Variants in C12orf42 observed in about 807,000 individuals in gnomAD.
C12orf42 encodes chromosome 12 open reading frame 42, also known as uncharacterized protein C12orf42.
A neutral mutation model predicts 21.6 loss-of-function variants in C12orf42; 25 were observed. That is an observed-to-expected ratio of 1.16 (90% CI 0.84 to 1.62). The LOEUF is 1.62. Among genes scored for constraint, C12orf42 ranks in the 40% most tolerant of loss-of-function variants. The pLI is 0.00. For missense variants in C12orf42, 483 were observed against 459.3 expected (o/e 1.05, Z -0.47); for synonymous variants, 174 against 175.0 (o/e 0.99, Z 0.05).
chr12:103,221,408 A>G, the C12orf42 span, among the ~76,000 whole-genome samples: 1 of 152,242 alleles, frequency 6.6e-6, no homozygotes, highest in Non-Finnish European at 1.5e-5. Flanking sequence ...GGTGCTGAGT[A>G]CTGTGCCAGA....
At chr12:103,356,993 G>T (rs1226062857) in intron 4 of C12orf42, among the ~76,000 whole-genome samples, 1 of 151,882 alleles carries the variant, frequency 6.6e-6, no homozygotes, top group East Asian at 1.9e-4. Context: ...CATGTCCTTT[G>T]TAGGGACATG....
intron 2 of C12orf42, among the ~76,000 whole-genome samples, chr12:103,442,591 G>A (rs1325692725): frequency 6.6e-6 from 1 of 152,068 alleles, no homozygotes; most frequent in Non-Finnish European, 1.5e-5. Flanking sequence ...TCCTGGCATA[G>A]CCTCTTTTAT....
the C12orf42 span, among the ~76,000 whole-genome samples, chr12:103,513,249 C>T: frequency 6.6e-5 from 10 of 152,228 alleles, no homozygotes; most frequent in African/African-American, 2.4e-4. Context: ...GGAAAAAGAA[C>T]TCTCTTTCTG....
chr12:103,454,020 T>C (rs1363646013), intron 2 of C12orf42, among the ~76,000 whole-genome samples: 1 of 152,106 alleles, frequency 6.6e-6, no homozygotes, highest in Non-Finnish European at 1.5e-5. Flanking sequence ...CCATCAACCA[T>C]GCACTCACCT....
At chr12:103,440,389 G>A (rs11111583) in intron 2 of C12orf42, among the ~76,000 whole-genome samples, 3 of 130,860 alleles carry the variant, frequency 2.3e-5, no homozygotes, top group Non-Finnish European at 3.2e-5. Flanking sequence ...GCACATGTAC[G>A]CTAAAACTTA....
At chr12:103,327,647 ATT>A (rs1466067111) in intron 4 of C12orf42, among the ~76,000 whole-genome samples, 13 of 152,208 alleles carry the variant, frequency 8.5e-5, no homozygotes, top group Admixed American at 7.9e-4. Flanking sequence ...AAACATTTTG[ATT>A]CTCTGGAGAA....
chr12:103,087,978 T>C, the C12orf42 span, among the ~76,000 whole-genome samples: 6 of 152,386 alleles, frequency 3.9e-5, no homozygotes, highest in East Asian at 1.2e-3. Flanking sequence ...AGTTATATCC[T>C]TGACCAGTTG....
At chr12:103,273,500 T>C (rs927729809) in intron 5 of C12orf42, among the ~76,000 whole-genome samples, 3 of 152,146 alleles carry the variant, frequency 2.0e-5, no homozygotes, top group Non-Finnish European at 4.4e-5. Flanking sequence ...ACACATTCCA[T>C]TTATGTAGTT....
rs150668132 is a variant in C12orf42 at position 103,389,817 on chromosome 12, C to A, written c.147+11790G>T. On this transcript the variant is annotated intron_variant, in intron 3 of 5. Transcript: ENST00000548883. ...CAGTCTGATGCAGCTGGGCAGCATG[C>A]GTTGTGTCAGCGACTCTCCCAGTTT... Among the ~76,000 whole-genome samples the A allele has an allele frequency of 8.2e-3, 1,249 of 152,228 alleles. 13 individuals carry two copies. Among genetic ancestry groups the A allele is most frequent in the Non-Finnish European group, 8.2e-3 (559 of 68,008 alleles).
chr12:103,429,977 G>A (rs1950143389), intron 2 of C12orf42, among the ~76,000 whole-genome samples: 1 of 152,134 alleles, frequency 6.6e-6, no homozygotes, highest in Non-Finnish European at 1.5e-5. Flanking sequence ...ACTCAGGATG[G>A]ATTAAACACT....
the C12orf42 span, among the ~76,000 whole-genome samples, chr12:103,516,479 T>C: frequency 2.6e-5 from 4 of 152,138 alleles, no homozygotes; most frequent in Non-Finnish European, 5.9e-5. Context: ...AGAAAAGAGG[T>C]TTAATTGACT....
intron 4 of C12orf42, among the ~76,000 whole-genome samples, chr12:103,336,561 TCTC>T: frequency 6.6e-6 from 1 of 152,294 alleles, no homozygotes; most frequent in East Asian, 1.9e-4. Flanking sequence ...ACATAGTAGA[TCTC>T]CTATAGAATG....
the C12orf42 span, among the ~76,000 whole-genome samples, chr12:103,143,652 A>C: frequency 0.28 from 43,180 of 152,162 alleles, 7,669 homozygotes; most frequent in African/African-American, 0.51. Flanking sequence ...TTAAGAGTAC[A>C]TCCAAAGGCT....
intron 2 of C12orf42, among the ~76,000 whole-genome samples, chr12:103,435,097 AC>A (rs1950584773): frequency 6.6e-6 from 1 of 151,548 alleles, no homozygotes; most frequent in African/African-American, 2.4e-5. Context: ...CTGACCCCTG[AC>A]CCCCGAGCAG....
chr12:103,432,351 A>G (rs867009771), intron 2 of C12orf42, among the ~76,000 whole-genome samples: 1 of 152,158 alleles, frequency 6.6e-6, no homozygotes, highest in South Asian at 2.1e-4. Context: ...ATTATTTTAG[A>G]GAGGCAGTTC....
the C12orf42 span, among the ~76,000 whole-genome samples, chr12:103,534,593 T>C: frequency 8.5e-5 from 13 of 152,126 alleles, no homozygotes; most frequent in African/African-American, 2.9e-4. Context: ...GATACAGCAA[T>C]GAAAGGAGAC....
At chr12:103,418,661 A>G (rs2049586326) in intron 2 of C12orf42, among the ~76,000 whole-genome samples, 1 of 152,122 alleles carries the variant, frequency 6.6e-6, no homozygotes, top group Non-Finnish European at 1.5e-5. Flanking sequence ...CTTGTTGAAA[A>G]TAACAAGCCC....
At chr12:103,208,249 C>T in the C12orf42 span, among the ~76,000 whole-genome samples, 4 of 152,148 alleles carry the variant, frequency 2.6e-5, no homozygotes, top group East Asian at 1.9e-4. Context: ...ATTGAAGATG[C>T]TGGGACTTAG....
At chr12:103,449,088 TA>T (rs1159032886) in intron 2 of C12orf42, among the ~76,000 whole-genome samples, 6 of 143,298 alleles carry the variant, frequency 4.2e-5, no homozygotes, top group African/African-American at 1.6e-4. Context: ...ATATGATAGA[TA>T]GATAGATAGA....
Sources: gnomAD v4.1 joint callset for allele counts (sites outside exome capture counted in the v4.1 genomes callset) on GRCh38, gnomAD v4.1.1 for gene constraint, MANE v1.5 for transcripts, NCBI Gene and HGNC (gene_info 2026-07-23, HGNC 2026-07-21) for gene names.